AGAP1: variants seen among roughly 807,000 people sequenced by gnomAD.
The protein encoded by AGAP1 is ArfGAP with GTPase domain, ankyrin repeat and PH domain 1.
AGAP1 carries 29 observed loss-of-function variants against 105.3 expected under a neutral mutation model. The observed-to-expected ratio is 0.28, with a 90% CI of 0.21 to 0.38. The LOEUF (loss-of-function observed/expected upper bound fraction) is 0.38. AGAP1 is among the 10% of genes least tolerant of loss of function. AGAP1 has a pLI of 1.00. For synonymous variants in AGAP1, 509 were observed against 485.9 expected (o/e 1.05, Z -0.63); for missense variants, 998 against 1,165.1 (o/e 0.86, Z 2.09).
chr2:235,819,159 G>A (rs1234762950), intron 9 of AGAP1, among the ~76,000 whole-genome samples: 2 of 151,002 alleles, frequency 1.3e-5, no homozygotes, highest in Non-Finnish European at 2.9e-5. Context: ...TGACACCCAG[G>A]CTGAAATAAA....
Position 235,782,689 on chromosome 2 carries a change from T to C in AGAP1, c.674-15070T>C, listed in dbSNP as rs1956342534. 2.6e-5 allele frequency among the ~76,000 whole-genome samples: 4 copies of C among 152,272 alleles called. No homozygotes were observed. In the South Asian group the frequency reaches 8.3e-4, roughly 32 times the overall value. On this transcript the variant is annotated intron_variant, in intron 6 of 17. Coordinates refer to ENST00000304032, the MANE Select transcript of AGAP1 (RefSeq NM_001037131.3). ...AAAAGGTGCTGTGTAGCAGTACCAG[T>C]GGGAGAACGCTGAAGCCCAGAAGGA... is the stretch of plus-strand genomic sequence containing the variant.
intron 1 of AGAP1, among the ~76,000 whole-genome samples, chr2:235,607,105 C>T (rs1407613454): frequency 6.6e-6 from 1 of 152,114 alleles, no homozygotes; most frequent in African/African-American, 2.4e-5. Context: ...TAAACAGGGT[C>T]AGCTGGGTAA....
Position 235,612,471 on chromosome 2 carries a change from AGAT to A in AGAP1, c.164-96704_164-96702del, listed in dbSNP as rs1219880400. Among the ~76,000 whole-genome samples, 3 of 152,230 alleles carry A rather than the reference AGAT, an allele frequency of 2.0e-5. No homozygotes were observed. Among genetic ancestry groups the A allele is most frequent in the Non-Finnish European group, 4.4e-5 (3 of 68,048 alleles). On this transcript the variant is annotated intron_variant, in intron 1 of 17. Transcript: ENST00000304032. The surrounding 1 kb of genome is among the most constrained non-coding windows in gnomAD (Gnocchi z 4.3). ...AGCGCCTAGAGTGCTGGGCCCTTCC[AGAT>A]GATCTATGAATTGGTCTTTGCCTTT...
intron 1 of AGAP1, among the ~76,000 whole-genome samples, chr2:235,707,333 TC>T (rs869155536): frequency 6.6e-6 from 1 of 152,152 alleles, no homozygotes; most frequent in Non-Finnish European, 1.5e-5. Flanking sequence ...TCAGATCTCC[TC>T]CTGATCTACC....
chr2:236,084,423 T>G (rs981637365), intron 16 of AGAP1, among the ~76,000 whole-genome samples: 5 of 152,324 alleles, frequency 3.3e-5, no homozygotes, highest in Non-Finnish European at 1.5e-5. Context: ...TGTGGGAGAT[T>G]GTTGAGCATT....
chr2:235,680,449 G>A (rs1172639678), intron 1 of AGAP1, among the ~76,000 whole-genome samples: 1 of 152,064 alleles, frequency 6.6e-6, no homozygotes, highest in Non-Finnish European at 1.5e-5. Context: ...TGTCCATTTG[G>A]ACCCGTCTCA....
rs547215791 is a variant in AGAP1, at chr2:235,971,142, C to T, written c.1645+2519C>T. Among the ~76,000 whole-genome samples, 29 of 152,280 alleles carry T rather than the reference C, an allele frequency of 1.9e-4. No individual in the cohort carries two copies. Among genetic ancestry groups the T allele is most frequent in the African/African-American group, 6.5e-4 (27 of 41,558 alleles). ...GTCTCTACGTCAGCGGCTATGACAT[C>T]TTTCCAATAGCAAATAAGTCATAAG... On this transcript the variant is annotated intron_variant, in intron 13 of 17. Coordinates refer to ENST00000304032, the MANE Select transcript of AGAP1 (RefSeq NM_001037131.3). This position sits in a 1 kb window ranked among gnomAD's most constrained non-coding sequence, Gnocchi z 4.8.
intron 9 of AGAP1, among the ~76,000 whole-genome samples, chr2:235,821,865 C>G (rs924817330): frequency 1.6e-4 from 25 of 152,216 alleles, no homozygotes; most frequent in African/African-American, 6.0e-4. Flanking sequence ...GACCTTGACA[C>G]TATTTTAGGA....
At position 236,095,290 on chromosome 2, in the gene AGAP1, G is replaced by A. The variant is rs1490189532; in HGVS notation, c.2115-24902G>A. Among the ~76,000 whole-genome samples the A allele has an allele frequency of 2.0e-5, 3 of 151,628 alleles. No homozygotes were observed. The highest frequency in any genetic ancestry group is 2.0e-4 in the Admixed American group (3 of 15,210). ...CATGCACCTGTGGTCCCAGCTACTC[G>A]GGAGGCTGAGGTGGGAGGATCACTG... On this transcript the variant is annotated intron_variant, in intron 16 of 17. Transcript: ENST00000304032. This position sits in a 1 kb window ranked among gnomAD's most constrained non-coding sequence, Gnocchi z 4.1.
chr2:235,506,722 G>A (rs1423284163), intron 1 of AGAP1, among the ~76,000 whole-genome samples: 1 of 152,136 alleles, frequency 6.6e-6, no homozygotes, highest in Admixed American at 6.6e-5. Context: ...GAGATGCAAA[G>A]CCACACACGA....
chr2:235,495,317 T>G (rs1941268756), intron 1 of AGAP1, among the ~76,000 whole-genome samples: 1 of 152,192 alleles, frequency 6.6e-6, no homozygotes, highest in South Asian at 2.1e-4. Context: ...AGGGCTGCCC[T>G]CCTTAGTGTG....
chr2:235,670,190 A>G, intron 1 of AGAP1: 1 of 583,358 alleles, frequency 1.7e-6, no homozygotes. Context: ...TGTCTACCGC[A>G]TCTCCGTGAC....
chr2:235,903,337 A>G (rs1288438761), intron 10 of AGAP1, among the ~76,000 whole-genome samples: 4 of 152,202 alleles, frequency 2.6e-5, no homozygotes. Flanking sequence ...TCCTTGAAGA[A>G]AGTTGAGCTT....
intron 1 of AGAP1, among the ~76,000 whole-genome samples, chr2:235,539,878 G>A (rs1193195249): frequency 6.6e-6 from 1 of 152,082 alleles, no homozygotes; most frequent in African/African-American, 2.4e-5. Context: ...ACTTGTTTTC[G>A]GGATAGGAAA....
intron 6 of AGAP1, among the ~76,000 whole-genome samples, chr2:235,776,333 GCCT>G (rs984089770): frequency 5.3e-5 from 8 of 152,072 alleles, no homozygotes; most frequent in South Asian, 2.1e-4. Context: ...GGAAGTCCAG[GCCT>G]CCTCCTCAGT....
intron 2 of AGAP1, among the ~76,000 whole-genome samples, 155 bp downstream of exon 2, chr2:235,709,392 C>G (rs1397367964): frequency 3.3e-5 from 5 of 152,142 alleles, no homozygotes; most frequent in Non-Finnish European, 7.3e-5. Context: ...TAGTTGATAG[C>G]TTGGGACTAG....
chr2:235,501,004 A>G (rs12475951), intron 1 of AGAP1, among the ~76,000 whole-genome samples: 72,129 of 152,038 alleles, frequency 0.47, 17,722 homozygotes, highest in Admixed American at 0.57. Context: ...AAGAGCCTCA[A>G]TACCCTGTAT....
Position 235,557,058 on chromosome 2 carries a change from C to T in AGAP1, c.163+62209C>T, listed in dbSNP as rs377644737. 7.9e-5 allele frequency among the ~76,000 whole-genome samples: 12 copies of T among 152,212 alleles called. No homozygotes were observed. Among genetic ancestry groups the T allele is most frequent in the Admixed American group, 3.9e-4 (6 of 15,294 alleles). ...GCAGACTTGGCCTTCCCAGCTGGCGCGGGACTGGGGACTTAGGGGACTGGG... is the reference window on the plus strand; with the variant it reads ...GCAGACTTGGCCTTCCCAGCTGGCGTGGGACTGGGGACTTAGGGGACTGGG... On this transcript the variant is annotated intron_variant, in intron 1 of 17. Transcript: ENST00000304032. The surrounding 1 kb of genome is among the most constrained non-coding windows in gnomAD (Gnocchi z 4.7).
intron 6 of AGAP1, among the ~76,000 whole-genome samples, chr2:235,761,453 G>A (rs1161088399): frequency 6.6e-6 from 1 of 152,184 alleles, no homozygotes; most frequent in Non-Finnish European, 1.5e-5. Context: ...TTTTATCAAT[G>A]ACATAGAAAA....
Sources: gnomAD v4.1 joint callset for allele counts (sites outside exome capture counted in the v4.1 genomes callset) on GRCh38, gnomAD v4.1.1 for gene constraint, Gnocchi (gnomAD v3.1) non-coding constraint, MANE v1.5 for transcripts, NCBI Gene and HGNC (gene_info 2026-07-23, HGNC 2026-07-21) for gene names.